STAG1: variants seen among roughly 807,000 people sequenced by gnomAD.
STAG1 encodes STAG1 cohesin complex component.
STAG1 carries 26 observed loss-of-function variants against 170.9 expected under a neutral mutation model. That is an observed-to-expected ratio of 0.15 (90% confidence interval 0.11 to 0.21). The LOEUF is 0.21. Among genes scored for constraint, STAG1 ranks in the 10% least tolerant of loss-of-function variants. The probability of loss-of-function intolerance (pLI) is 1.00; values close to 1 mark genes in which losing one functional copy is unlikely to be tolerated. For synonymous variants in STAG1, 514 were observed against 497.7 expected, an observed-to-expected ratio of 1.03 and a Z score of -0.44; for missense variants, 964 against 1,509.5, an observed-to-expected ratio of 0.64 and a Z score of 5.99.
At chr3:136,678,873 G>GAAAA (rs1942231605) in intron 1 of STAG1, among the ~76,000 whole-genome samples, 1 of 120,194 alleles carries the variant, frequency 8.3e-6, no homozygotes, top group South Asian at 2.7e-4. Flanking sequence ...AAAAGAAAAA[G>GAAAA]AAGAAAAAGA....
chr3:136,603,967 T>C (rs1276340057), intron 4 of STAG1, among the ~76,000 whole-genome samples: 5 of 152,170 alleles, frequency 3.3e-5, no homozygotes, highest in Admixed American at 2.0e-4. Context: ...TAAGAATTCT[T>C]TTTTTATATC....
At chr3:136,525,143 T>G (rs1186755581) in intron 6 of STAG1, among the ~76,000 whole-genome samples, 2 of 152,184 alleles carry the variant, frequency 1.3e-5, no homozygotes, top group Non-Finnish European at 2.9e-5. Flanking sequence ...TCTTTTTCGG[T>G]TGATTGGAAT....
At chr3:136,446,880 ACCTCTTG>A (rs1465182450) in intron 14 of STAG1, among the ~76,000 whole-genome samples, 5 of 150,754 alleles carry the variant, frequency 3.3e-5, no homozygotes, top group Non-Finnish European at 7.4e-5. Flanking sequence ...GCTCACTGCC[ACCTCTTG>A]CCTCCTGCGT....
intron 27 of STAG1, among the ~76,000 whole-genome samples, chr3:136,358,680 T>C (rs1261954958): frequency 1.3e-5 from 2 of 152,152 alleles, no homozygotes; most frequent in East Asian, 1.9e-4. Context: ...TCTTAAGTGA[T>C]CCTCCTGGCT....
chr3:136,453,998 A>C (rs2089026261), intron 13 of STAG1, among the ~76,000 whole-genome samples: 1 of 152,054 alleles, frequency 6.6e-6, no homozygotes, highest in Non-Finnish European at 1.5e-5. Flanking sequence ...TATAATCTAT[A>C]TAGCTGTCAT....
intron 23 of STAG1, among the ~76,000 whole-genome samples, chr3:136,375,354 T>A (rs570730794): frequency 3.3e-5 from 5 of 152,150 alleles, no homozygotes; most frequent in Admixed American, 6.6e-5. Context: ...AATAGAAAGA[T>A]TTTGTTGTGG....
intron 25 of STAG1, among the ~76,000 whole-genome samples, chr3:136,365,337 G>GA (rs1393915220): frequency 6.6e-6 from 1 of 152,162 alleles, no homozygotes; most frequent in Non-Finnish European, 1.5e-5. Context: ...GTTCCGAATT[G>GA]AATTAGTTTC....
At chr3:136,649,306 C>A (rs1941133720) in intron 1 of STAG1, among the ~76,000 whole-genome samples, 2 of 151,552 alleles carry the variant, frequency 1.3e-5, no homozygotes, top group African/African-American at 4.9e-5. Context: ...CAGCAAAACC[C>A]CATCTCTACT....
Position 136,398,736 on chromosome 3 carries a change from A to G in STAG1, c.2277+13T>C. On this transcript the variant is annotated intron_variant, in intron 22 of 33. Transcript: ENST00000383202. The stretch of plus-strand genomic sequence containing the variant: ...CAGTAATAACCCTTCTGCCTACAGA[A>G]ACTCTTACTTACTTTGGAAGGAGAG... The G allele has an allele frequency of 6.4e-7, 1 of 1,570,750 alleles. No individual in the cohort carries two copies. The highest frequency in any genetic ancestry group is 8.7e-7 in the Non-Finnish European group (1 of 1,152,040).
At chr3:136,527,970 C>T (rs565176163) in intron 6 of STAG1, among the ~76,000 whole-genome samples, 5 of 152,224 alleles carry the variant, frequency 3.3e-5, no homozygotes, top group East Asian at 3.9e-4. Flanking sequence ...GGTTATCCGG[C>T]CGTATGATGT....
intron 4 of STAG1, among the ~76,000 whole-genome samples, chr3:136,586,257 T>TAC (rs375352308): frequency 0.22 from 33,234 of 150,466 alleles, 3,935 homozygotes; most frequent in African/African-American, 0.29. Context: ...CATATACATA[T>TAC]ACACACACAC....
chr3:136,391,064 A>G lies in STAG1; in HGVS notation c.2277+7685T>C, dbSNP rs916599201. ...TCAGAGGAGAACCTTTAGTCAAGACAGTGATGGAAGGACAAATTTTACAGC... is the reference window on the plus strand; with the variant it reads ...TCAGAGGAGAACCTTTAGTCAAGACGGTGATGGAAGGACAAATTTTACAGC... On this transcript the variant is annotated intron_variant, in intron 22 of 33. Transcript: ENST00000383202. 3.3e-5 allele frequency among the ~76,000 whole-genome samples: 5 copies of G among 152,350 alleles called. No individual in the cohort carries two copies. The South Asian group carries it at 8.3e-4, about 25-fold the overall frequency.
intron 7 of STAG1, among the ~76,000 whole-genome samples, chr3:136,506,645 CAA>C (rs1248797469): frequency 1.9e-4 from 9 of 46,520 alleles, no homozygotes; most frequent in Middle Eastern, 0.013. Flanking sequence ...GACTCCACCT[CAA>C]AAAAAAAAAA....
At chr3:136,559,918 A>G (rs754404822) in intron 5 of STAG1, among the ~76,000 whole-genome samples, 31 of 152,116 alleles carry the variant, frequency 2.0e-4, no homozygotes, top group Non-Finnish European at 4.0e-4. Flanking sequence ...CATGAATACA[A>G]TTTTTTTCAA....
At chr3:136,544,417 C>T (rs756425289) in intron 5 of STAG1, among the ~76,000 whole-genome samples, 1 of 152,112 alleles carries the variant, frequency 6.6e-6, no homozygotes, top group Non-Finnish European at 1.5e-5. Flanking sequence ...CTTTACTCAG[C>T]AGCAAAACAA....
At chr3:136,700,201 G>A (rs550039917) in intron 1 of STAG1, among the ~76,000 whole-genome samples, 48 of 145,554 alleles carry the variant, frequency 3.3e-4, no homozygotes, top group African/African-American at 1.1e-3. Context: ...AGGATGCTTT[G>A]CCTAGAATAT....
chr3:136,355,505 G>A (rs1274764368), intron 28 of STAG1, among the ~76,000 whole-genome samples: 6 of 151,670 alleles, frequency 4.0e-5, no homozygotes, highest in African/African-American at 1.5e-4. Flanking sequence ...TAATGAATAG[G>A]ACAACTAAGC....
intron 5 of STAG1, among the ~76,000 whole-genome samples, chr3:136,564,648 T>TC (rs1237325365): frequency 6.6e-6 from 1 of 152,078 alleles, no homozygotes; most frequent in Non-Finnish European, 1.5e-5. Flanking sequence ...CTATGCCCCT[T>TC]CAACAAAAAT....
chr3:136,655,986 T>C (rs1377841149), intron 1 of STAG1, among the ~76,000 whole-genome samples: 1 of 152,146 alleles, frequency 6.6e-6, no homozygotes, highest in Admixed American at 6.5e-5. Context: ...ATGTTCATAG[T>C]AACATTATTC....
Sources: gnomAD v4.1 joint callset for allele counts (sites outside exome capture counted in the v4.1 genomes callset) on GRCh38, gnomAD v4.1.1 for gene constraint, MANE v1.5 for transcripts, NCBI Gene and HGNC (gene_info 2026-07-23, HGNC 2026-07-21) for gene names.